RDX: variants seen among roughly 807,000 people sequenced by gnomAD.
RDX encodes the protein deafness, autosomal recessive 24.
Under a neutral mutation model 83.7 loss-of-function variants are expected in RDX, and 32 were observed. That is an observed-to-expected ratio of 0.38 (90% CI 0.29 to 0.51). The LOEUF (loss-of-function observed/expected upper bound fraction) is 0.51. RDX is among the 20% of genes least tolerant of loss of function. RDX has a pLI of 0.87. For missense variants in RDX, 600 were observed against 689.9 expected, an observed-to-expected ratio of 0.87 and a Z score of 1.46; for synonymous variants, 229 against 222.7, an observed-to-expected ratio of 1.03 and a Z score of -0.25.
Position 110,237,542 on chromosome 11 carries a change from A to G in RDX, c.1201T>C (p.Ser401Pro), listed in dbSNP as rs1591137281. The change falls in exon 11 of 14, where the codon TCT becomes CCT. Residue 401 changes from serine (S) to proline (P), a missense_variant. By Grantham distance (74) the Ser-to-Pro change is moderately conservative. Coordinates refer to ENST00000645495, the MANE Select transcript of RDX (RefSeq NM_002906.4). ...KERRAAEEAK[S>P]AIAKQAADQM... ...TCGGCAGCTTGTTTTGCTATGGCAG[A>G]CTTTGCCTCTTCAGCAGCTCGACGC... 6.2e-7 allele frequency: 1 copy of G among 1,613,410 alleles called. No individual in the cohort carries two copies. Among genetic ancestry groups the G allele is most frequent in the Non-Finnish European group, 8.5e-7 (1 of 1,180,020 alleles).
chr11:110,223,205 A>G (rs1246765903), intron 14 of RDX, among the ~76,000 whole-genome samples: 1 of 152,090 alleles, frequency 6.6e-6, no homozygotes, highest in Admixed American at 6.5e-5. Context: ...ACAAAAAATT[A>G]GCCAGGCGTG....
chr11:110,179,966 A>G (rs1862853446), intron 15 of RDX: 2 of 377,588 alleles, frequency 5.3e-6, no homozygotes, highest in South Asian at 2.1e-5. Flanking sequence ...TAGTGGTGCA[A>G]TCTCAGCTCA....
chr11:110,259,806 T>C (rs1031266590), intron 5 of RDX, among the ~76,000 whole-genome samples: 1 of 152,160 alleles, frequency 6.6e-6, no homozygotes, highest in Non-Finnish European at 1.5e-5. Context: ...CGAAAATTTG[T>C]AGAGTGAATA....
chr11:110,268,070 GAGGCTGAGGC>G (rs1354637735), intron 3 of RDX, among the ~76,000 whole-genome samples: 1 of 152,150 alleles, frequency 6.6e-6, no homozygotes, highest in Non-Finnish European at 1.5e-5. Context: ...GGCACTTTGG[GAGGCTGAGGC>G]AGGTGGATCA....
intron 3 of RDX, among the ~76,000 whole-genome samples, chr11:110,265,183 T>G (rs1212390416): frequency 6.7e-6 from 1 of 149,314 alleles, no homozygotes; most frequent in Non-Finnish European, 1.5e-5. Flanking sequence ...AACTTCCGTC[T>G]CCATTCAAGT....
chr11:110,295,289 A>G (rs1169657020), intron 1 of RDX, among the ~76,000 whole-genome samples: 1 of 148,382 alleles, frequency 6.7e-6, no homozygotes, highest in African/African-American at 2.5e-5. Context: ...TCAGTCATAT[A>G]AAAGAGTATT....
chr11:110,223,194 T>C (rs1379320456), intron 14 of RDX, among the ~76,000 whole-genome samples: 1 of 151,662 alleles, frequency 6.6e-6, no homozygotes, highest in African/African-American at 2.4e-5. Context: ...CTACTAAAAA[T>C]ACAAAAAATT....
At chr11:110,294,931 T>C (rs924877193) in intron 1 of RDX, among the ~76,000 whole-genome samples, 2 of 152,196 alleles carry the variant, frequency 1.3e-5, no homozygotes, top group Non-Finnish European at 2.9e-5. Flanking sequence ...AATAAAACTG[T>C]AAAGAATGCC....
At chr11:110,237,919 T>TCACC in intron 10 of RDX, 1 of 383,672 alleles carries the variant, frequency 2.6e-6, no homozygotes, top group Non-Finnish European at 4.9e-6. Flanking sequence ...CTACAGGCGC[T>TCACC]ATACCTCGTT....
intron 14 of RDX, among the ~76,000 whole-genome samples, chr11:110,204,514 C>CTTTTTTTTTTTTTTTTT (rs577737066): frequency 9.3e-6 from 1 of 107,734 alleles, no homozygotes; most frequent in Non-Finnish European, 1.8e-5. Flanking sequence ...TTTTTTTTTC[C>CTTTTTTTTTTTTTTTTT]TTTTTTTTTT....
intron 15 of RDX, chr11:110,179,832 G>A (rs1361012077): frequency 2.5e-6 from 1 of 402,666 alleles, no homozygotes; most frequent in African/African-American, 2.1e-5. Flanking sequence ...TCCAGCTATG[G>A]AATGCCTCAG....
At chr11:110,290,319 C>T (rs569170365) in intron 1 of RDX, among the ~76,000 whole-genome samples, 4 of 152,074 alleles carry the variant, frequency 2.6e-5, no homozygotes, top group Admixed American at 6.5e-5. Context: ...GAACCCAGGA[C>T]AGCCTGGGCA....
intron 14 of RDX, among the ~76,000 whole-genome samples, chr11:110,223,670 G>A (rs914893607): frequency 6.6e-6 from 1 of 152,084 alleles, no homozygotes; most frequent in Non-Finnish European, 1.5e-5. Context: ...TTGTCTGAGA[G>A]AAACAATCAA....
rs966755133 is a variant in RDX, at chr11:110,262,132, GA to G, written c.467+1827del. On this transcript the variant is annotated intron_variant, in intron 5 of 13. Transcript: ENST00000645495. ...ACTCAATTCAGTAATCTAAGATGAA[GA>G]ATCTTAGGTTAGAATAACATTCAAA... 5.9e-5 allele frequency among the ~76,000 whole-genome samples: 9 copies of G among 152,006 alleles called. No individual in the cohort carries two copies. In the South Asian group the frequency reaches 8.3e-4, roughly 14 times the overall value.
In RDX at chr11:110,202,739, A is replaced by T. The variant is rs531574618; in HGVS notation, c.1749-3061T>A. Among the ~76,000 whole-genome samples the T allele has an allele frequency of 4.9e-3, 744 of 150,824 alleles. 3 individuals are homozygous for T. The highest frequency in any genetic ancestry group is 6.4e-3 in the Non-Finnish European group (433 of 67,754). Reference sequence around the variant, plus strand: ...GCACTCAGCCAACAGTTTTTTTTTTAAAAGTAAAGACATACAAATGGCAGC... The same window carrying T: ...GCACTCAGCCAACAGTTTTTTTTTTTAAAGTAAAGACATACAAATGGCAGC... On this transcript the variant is annotated intron_variant, in intron 14 of 15. Coordinates refer to the RDX transcript ENST00000528498.
intron 1 of RDX, among the ~76,000 whole-genome samples, chr11:110,289,854 G>T (rs921460857): frequency 2.0e-5 from 3 of 150,278 alleles, no homozygotes; most frequent in African/African-American, 7.4e-5. Context: ...AACTACTCGG[G>T]ACGCTGAGGC....
rs1343179591 is a variant in RDX, at chr11:110,232,175, G to A, written c.1588-142C>T. 1.1e-5 allele frequency: 8 copies of A among 697,176 alleles called. No individual in the cohort carries two copies. The Admixed American group carries it at 1.9e-4, about 16-fold the overall frequency. 43.2% of individuals were successfully genotyped at this position (697,176 alleles called of 1,614,324 possible). A position where few individuals can be genotyped will look rare whatever the true frequency, so the allele number is the denominator to read the frequency against. ...TTTCTTTAGGTATAAGTTTGTTTTAGTAATAGTGGTGGCAGTGGTAAGGGA... is the reference window on the plus strand; with the variant it reads ...TTTCTTTAGGTATAAGTTTGTTTTAATAATAGTGGTGGCAGTGGTAAGGGA... On this transcript the variant is annotated intron_variant, in intron 13 of 13. Coordinates refer to ENST00000645495, the MANE Select transcript of RDX (RefSeq NM_002906.4).
intron 15 of RDX, among the ~76,000 whole-genome samples, chr11:110,187,912 T>C (rs1047508439): frequency 2.0e-5 from 3 of 152,228 alleles, no homozygotes; most frequent in Admixed American, 6.5e-5. Context: ...TACCCACAAG[T>C]GCCATCCACT....
intron 14 of RDX, among the ~76,000 whole-genome samples, chr11:110,211,539 C>CA (rs1404803550): frequency 1.3e-5 from 2 of 151,608 alleles, no homozygotes; most frequent in Admixed American, 6.6e-5. Context: ...ACTTTTTTTT[C>CA]AGCACCACAC....
Sources: allele counts gnomAD v4.1 joint callset (sites outside exome capture counted in the v4.1 genomes callset), GRCh38; gene constraint gnomAD v4.1.1; transcripts MANE v1.5; gene names NCBI Gene and HGNC (gene_info 2026-07-23, HGNC 2026-07-21).